Variants in SOX5 observed in about 807,000 individuals in gnomAD.
SOX5 encodes the protein SRY-box transcription factor 5.
SOX5 carries 9 observed loss-of-function variants against 92.0 expected under a neutral mutation model. That is an observed-to-expected ratio of 0.10 (90% CI 0.06 to 0.17). The LOEUF (loss-of-function observed/expected upper bound fraction) is 0.17, where lower values mean the gene tolerates loss of function less well. SOX5 is among the 10% of genes least tolerant of loss of function. SOX5 has a pLI of 1.00. For missense variants in SOX5, 642 were observed against 944.5 expected, an observed-to-expected ratio of 0.68 and a Z score of 4.20; for synonymous variants, 344 against 336.3, an observed-to-expected ratio of 1.02 and a Z score of -0.25.
intron 2 of SOX5, among the ~76,000 whole-genome samples, chr12:23,859,040 G>C (rs147918091): frequency 0.017 from 2,621 of 152,154 alleles, 75 homozygotes; most frequent in African/African-American, 0.06. Flanking sequence ...GTCACTTCAG[G>C]ACCCTGTGAT....
chr12:24,254,650 G>A (rs953055734), intron 3 of SOX5, among the ~76,000 whole-genome samples: 4 of 151,598 alleles, frequency 2.6e-5, no homozygotes, highest in East Asian at 1.9e-4. Context: ...GTTATCAAGT[G>A]GAAAAATTTT....
intron 1 of SOX5, among the ~76,000 whole-genome samples, chr12:23,934,452 G>A (rs1942108503): frequency 6.7e-6 from 1 of 148,260 alleles, no homozygotes. Flanking sequence ...ACACATACAT[G>A]ATGTATATGT....
Position 23,573,474 on chromosome 12 carries a change from G to A in SOX5, c.1342+2187C>T, listed in dbSNP as rs369255112. Among the ~76,000 whole-genome samples, 84 of 151,912 alleles carry A rather than the reference G, an allele frequency of 5.5e-4. 1 individual carries two copies. Among genetic ancestry groups the A allele is most frequent in the Non-Finnish European group, 9.3e-4 (63 of 67,946 alleles). On this transcript the variant is annotated intron_variant, in intron 10 of 14. Transcript: ENST00000451604. ...AATAATCCCTCTTTTTTGAAACTTCGTTTTCCTAGGCTAGTATGACATTAC... is the reference window on the plus strand; with the variant it reads ...AATAATCCCTCTTTTTTGAAACTTCATTTTCCTAGGCTAGTATGACATTAC...
chr12:23,538,961 C>T (rs181326324), intron 13 of SOX5, among the ~76,000 whole-genome samples: 70 of 151,682 alleles, frequency 4.6e-4, no homozygotes, highest in African/African-American at 1.6e-3. Context: ...CCACCACGCC[C>T]GGCTAGCTTT....
At chr12:24,187,149 C>G (rs1402937411) in intron 4 of SOX5, among the ~76,000 whole-genome samples, 1 of 152,152 alleles carries the variant, frequency 6.6e-6, no homozygotes, top group African/African-American at 2.4e-5. Flanking sequence ...GGGGCTTTTA[C>G]TTTGCGTGGC....
At chr12:24,395,115 T>C (rs1959577771) in intron 1 of SOX5, among the ~76,000 whole-genome samples, 2 of 152,232 alleles carry the variant, frequency 1.3e-5, no homozygotes, top group Admixed American at 6.5e-5. Flanking sequence ...AAACTTGTTT[T>C]AAATGATCAG....
At chr12:24,017,589 G>C (rs1007512814) in intron 4 of SOX5, among the ~76,000 whole-genome samples, 3 of 151,884 alleles carry the variant, frequency 2.0e-5, no homozygotes, top group Non-Finnish European at 4.4e-5. Context: ...GACAGAGTGA[G>C]ACTCTATCTC....
intron 3 of SOX5, among the ~76,000 whole-genome samples, chr12:23,768,362 T>TA (rs754673008): frequency 5.9e-5 from 9 of 152,022 alleles, no homozygotes; most frequent in South Asian, 2.1e-4. Flanking sequence ...CTCTAAGGTA[T>TA]AAAAAAACAC....
At chr12:23,809,700 G>A (rs1041034612) in intron 3 of SOX5, among the ~76,000 whole-genome samples, 11 of 148,432 alleles carry the variant, frequency 7.4e-5, no homozygotes, top group Admixed American at 7.4e-4. Context: ...TAATGTGTAA[G>A]GTTAAACCAG....
intron 1 of SOX5, chr12:23,944,397 C>A (rs554895370): frequency 2.6e-5 from 4 of 152,040 alleles, no homozygotes; most frequent in Non-Finnish European, 4.4e-5. Flanking sequence ...CAAAACCATA[C>A]GCCACAATAT....
intron 1 of SOX5, among the ~76,000 whole-genome samples, chr12:24,389,198 T>C (rs914951224): frequency 1.3e-5 from 2 of 151,454 alleles, no homozygotes; most frequent in Non-Finnish European, 2.9e-5. Flanking sequence ...TGAGTAAGAA[T>C]ATGCGGTGTT....
intron 3 of SOX5, among the ~76,000 whole-genome samples, chr12:24,246,462 G>A (rs186371106): frequency 5.3e-5 from 8 of 151,972 alleles, no homozygotes; most frequent in Admixed American, 5.2e-4. Flanking sequence ...AACTGTAAGA[G>A]ACTAAGAGCC....
At chr12:24,374,460 C>T (rs1399354979) in intron 1 of SOX5, among the ~76,000 whole-genome samples, 1 of 152,022 alleles carries the variant, frequency 6.6e-6, no homozygotes, top group Non-Finnish European at 1.5e-5. Flanking sequence ...TGCAGGGAAA[C>T]TGAAAAGTCC....
intron 6 of SOX5, among the ~76,000 whole-genome samples, chr12:23,678,068 T>A (rs960439253): frequency 4.6e-5 from 7 of 152,090 alleles, no homozygotes; most frequent in Non-Finnish European, 7.4e-5. Flanking sequence ...CTAGAACACT[T>A]GTCACTGAAA....
At chr12:23,949,766 GTCTCTCTC>G (rs143438082), upstream of SOX5, 2,075 of 472,132 alleles carry the variant, frequency 4.4e-3, no homozygotes, top group South Asian at 7.1e-3. Flanking sequence ...CTCTCTCTCT[GTCTCTCTC>G]TCTCTCTCTC....
chr12:24,093,812 C>T (rs938916606), intron 4 of SOX5, among the ~76,000 whole-genome samples: 1 of 151,934 alleles, frequency 6.6e-6, no homozygotes, highest in South Asian at 2.1e-4. Flanking sequence ...AAATTGCTCT[C>T]CCAAATGGTT....
At chr12:24,043,841 TGGGCATTTTCCATTA>T (rs1956750736) in intron 4 of SOX5, among the ~76,000 whole-genome samples, 1 of 152,208 alleles carries the variant, frequency 6.6e-6, no homozygotes, top group African/African-American at 2.4e-5. Flanking sequence ...TTTACTTTCT[TGGGCATTTTCCATTA>T]GTAATGTAAC....
intron 1 of SOX5, among the ~76,000 whole-genome samples, chr12:24,488,107 G>GA (rs1422385348): frequency 6.6e-6 from 1 of 151,936 alleles, no homozygotes; most frequent in Non-Finnish European, 1.5e-5. Context: ...TTTAAAAAGA[G>GA]AAAAAAATGC....
intron 4 of SOX5, among the ~76,000 whole-genome samples, chr12:24,095,090 AACACACAC>A (rs150030739): frequency 6.3e-4 from 83 of 131,576 alleles, no homozygotes; most frequent in Middle Eastern, 3.7e-3. Flanking sequence ...CTAGCCCCGA[AACACACAC>A]ACACACACAC....
Sources: gnomAD v4.1 joint callset for allele counts (sites outside exome capture counted in the v4.1 genomes callset) on GRCh38, gnomAD v4.1.1 for gene constraint, MANE v1.5 for transcripts, NCBI Gene and HGNC (gene_info 2026-07-23, HGNC 2026-07-21) for gene names.